The following POLR1C variants were observed in gnomAD, a reference collection of about 807,000 sequenced individuals.
The protein encoded by POLR1C is DNA-directed RNA polymerases I and III subunit RPAC1.
Under a neutral mutation model 38.3 loss-of-function variants are expected in POLR1C, and 42 were observed. The ratio of observed to expected loss-of-function variants is 1.10; its 90% CI spans 0.86 to 1.42. The LOEUF (loss-of-function observed/expected upper bound fraction) is 1.42, where lower values mean the gene tolerates loss of function less well. POLR1C is among the 40% of genes most tolerant of loss of function. POLR1C has a pLI of 0.00. For missense variants in POLR1C, 507 were observed against 450.5 expected (o/e 1.13, Z -1.14); for synonymous variants, 163 against 163.9 (o/e 0.99, Z 0.04).
chr6:43,556,306 T>C (rs897262499), intron 10 of POLR1C, among the ~76,000 whole-genome samples: 13 of 152,184 alleles, frequency 8.5e-5, no homozygotes, highest in Admixed American at 7.9e-4. Context: ...GGCAGACTGC[T>C]TGTGCCCAAG....
rs775619609 is a variant in POLR1C, at chr6:43,520,448, C to G, written c.655+21C>G. 3.7e-6 allele frequency: 6 copies of G among 1,612,814 alleles called. No homozygotes were observed. The South Asian group carries it at 6.6e-5, about 18-fold the overall frequency. On this transcript the variant is annotated intron_variant, in intron 6 of 8. Coordinates refer to ENST00000642195, the MANE Select transcript of POLR1C (RefSeq NM_203290.4). ...CATTGGTGAGAACCCTGTGTGCCTTCCTGGGAAGGGGGATAGTTCGGTTGC... is the reference window on the plus strand; with the variant it reads ...CATTGGTGAGAACCCTGTGTGCCTTGCTGGGAAGGGGGATAGTTCGGTTGC...
chr6:43,527,281 C>CT (rs375730347), intron 8 of POLR1C: 95 of 211,018 alleles, frequency 4.5e-4, no homozygotes, highest in South Asian at 6.3e-4. Flanking sequence ...CAAACATGAA[C>CT]TTTTTTTTTG....
chr6:43,525,833 A>G (rs903734291), downstream of POLR1C: 1 of 1,613,894 alleles, frequency 6.2e-7, no homozygotes, highest in Non-Finnish European at 8.5e-7. Flanking sequence ...TGCTCCTTCT[A>G]CCCACCTCAT....
intron 10 of POLR1C, chr6:43,560,393 T>C (rs1762356328): frequency 2.8e-6 from 4 of 1,428,790 alleles, no homozygotes; most frequent in African/African-American, 1.4e-5. Context: ...CATTTTTTCA[T>C]AGAAATAAAT....
intron 9 of POLR1C, chr6:43,539,345 T>C: frequency 1.9e-6 from 3 of 1,581,000 alleles, no homozygotes; most frequent in East Asian, 2.2e-5. Context: ...CCTGGTGCGC[T>C]GGCCAGCACG....
At chr6:43,547,629 C>T (rs771204450) in intron 9 of POLR1C, 28 of 1,613,880 alleles carry the variant, frequency 1.7e-5, no homozygotes, top group South Asian at 5.5e-5. Context: ...TTAAGCCACA[C>T]GGATCCTCCA....
At chr6:43,553,283 C>G (rs758934156) in intron 10 of POLR1C, 2 of 1,449,514 alleles carry the variant, frequency 1.4e-6, no homozygotes, top group Non-Finnish European at 9.2e-7. Context: ...GCCTGAGCAA[C>G]AGAGAGATAT....
intron 9 of POLR1C, among the ~76,000 whole-genome samples, chr6:43,537,919 T>C (rs1384662456): frequency 6.6e-6 from 1 of 151,122 alleles, no homozygotes; most frequent in Non-Finnish European, 1.5e-5. Flanking sequence ...ATACAAAAAA[T>C]TAGCCAGGCG....
At chr6:43,554,726 G>GAT (rs977933254) in intron 10 of POLR1C, among the ~76,000 whole-genome samples, 3 of 151,964 alleles carry the variant, frequency 2.0e-5, no homozygotes, top group Admixed American at 6.6e-5. Flanking sequence ...CCTGGCCTAA[G>GAT]ATTTACCAAT....
chr6:43,521,291 G>C lies in POLR1C; in HGVS notation c.1032G>C (p.Gln344His), dbSNP rs773505724. ...TCTTGGATGAACTAGATGCGGTTCA[G>C]ATGGACTGAGCTTGGATGCTTCTGA... ...RRFLDELDAV[Q>H]MD The change falls in exon 9 of 9, where the codon CAG becomes CAC. Residue 344 changes from glutamine to histidine, a missense_variant. By Grantham distance (24) the Gln-to-His change is conservative. Coordinates refer to ENST00000642195, the MANE Select transcript of POLR1C (RefSeq NM_203290.4). The C allele has an allele frequency of 1.2e-6, 2 of 1,612,336 alleles. No individual in the cohort carries two copies. The highest frequency in any genetic ancestry group is 1.1e-5 in the South Asian group (1 of 90,996).
intron 9 of POLR1C, chr6:43,550,023 T>C: frequency 1.5e-6 from 2 of 1,356,008 alleles, no homozygotes; most frequent in Non-Finnish European, 2.1e-6. Flanking sequence ...CTTGAATTCC[T>C]GGGCTCAACT....
intron 10 of POLR1C, chr6:43,556,044 A>G (rs1762064131): frequency 3.2e-6 from 5 of 1,545,930 alleles, no homozygotes; most frequent in Non-Finnish European, 4.4e-6. Context: ...TTAATTTACC[A>G]CCCTAGGGGA....
chr6:43,544,358 G>A (rs1477357789), intron 9 of POLR1C: 1 of 152,696 alleles, frequency 6.5e-6, no homozygotes, highest in Admixed American at 6.5e-5. Context: ...GTGAACACAT[G>A]AGAATCTTCC....
At chr6:43,524,415 C>T, downstream of POLR1C, 1 of 1,580,536 alleles carries the variant, frequency 6.3e-7, no homozygotes, top group Non-Finnish European at 8.6e-7. Flanking sequence ...TATGGTTTGC[C>T]CATACACATG....
At position 43,561,022 on chromosome 6, in the gene POLR1C, C is replaced by T. The variant is rs777962255; in HGVS notation, c.*49-378C>T. On this transcript the variant is annotated intron_variant, in intron 10 of 10. Coordinates refer to the POLR1C transcript ENST00000607635. ...GAATCTGCACCCTGTAGGAGAAGACCACTATATTAACGGTGTTGATCGAGA... is the reference window on the plus strand; with the variant it reads ...GAATCTGCACCCTGTAGGAGAAGACTACTATATTAACGGTGTTGATCGAGA... 9 of 1,601,048 alleles carry T rather than the reference C, an allele frequency of 5.6e-6. No individual in the cohort carries two copies. The South Asian group carries it at 9.9e-5, about 18-fold the overall frequency.
At chr6:43,539,223 A>G in intron 9 of POLR1C, 1 of 1,202,846 alleles carries the variant, frequency 8.3e-7, no homozygotes, top group Admixed American at 1.8e-5. Flanking sequence ...GGGACAATGG[A>G]GAGCTTGGCC....
chr6:43,536,758 T>TAAAAAAAAAAAAAAAAAAAAAA (rs1156884252), intron 9 of POLR1C, among the ~76,000 whole-genome samples: 2 of 19,100 alleles, frequency 1.0e-4, no homozygotes, highest in African/African-American at 4.9e-4. Flanking sequence ...AGACTCTATC[T>TAAAAAAAAAAAAAAAAAAAAAA]AAAAAAAAAA....
Position 43,521,032 on chromosome 6 carries a change from T to G in POLR1C, c.906T>G (p.Val302=), listed in dbSNP as rs1313014364. 6.2e-7 allele frequency: 1 copy of G among 1,613,928 alleles called. No homozygotes were observed. ...AGAAGGTTGTGAGGCTTGCCCGGGT[T>G]CGAGATCATTATATCTGTGAGTATG... is the stretch of plus-strand genomic sequence containing the variant. ...KLKKVVRLAR[V]RDHYIFSVES... The change falls in exon 8 of 9, where the codon GTT becomes GTG. Residue 302 remains valine (V), a synonymous_variant. Transcript: ENST00000642195.
At chr6:43,529,164 C>T in intron 8 of POLR1C, 1 of 1,469,684 alleles carries the variant, frequency 6.8e-7, no homozygotes, top group Non-Finnish European at 9.2e-7. Flanking sequence ...ATTATGGTCA[C>T]TGGCCCAAAA....
Sources: gnomAD v4.1 joint callset for allele counts (sites outside exome capture counted in the v4.1 genomes callset) on GRCh38, gnomAD v4.1.1 for gene constraint, MANE v1.5 for transcripts, NCBI Gene and HGNC (gene_info 2026-07-23, HGNC 2026-07-21) for gene names.